PLEKHA7: variants seen among roughly 807,000 people sequenced by gnomAD.
The protein encoded by PLEKHA7 is pleckstrin homology domain-containing family A member 7.
PLEKHA7 carries 104 observed loss-of-function variants against 170.0 expected under a neutral mutation model. The ratio of observed to expected loss-of-function variants is 0.61; its 90% CI spans 0.52 to 0.72. The LOEUF is 0.72. PLEKHA7 is among the 30% of genes least tolerant of loss of function. The pLI, the probability that PLEKHA7 is intolerant of heterozygous loss-of-function variation, is 0.00. For synonymous variants in PLEKHA7, 648 were observed against 660.8 expected (o/e 0.98, Z 0.30); for missense variants, 1,615 against 1,671.7 (o/e 0.97, Z 0.59).
chr11:16,811,690 A>G (rs1849384781), intron 13 of PLEKHA7, among the ~76,000 whole-genome samples: 1 of 152,224 alleles, frequency 6.6e-6, no homozygotes, highest in Non-Finnish European at 1.5e-5. Flanking sequence ...TGAGTTAGAC[A>G]GTCCTGGCCT....
chr11:16,784,065 G>A (rs1849240827), intron 24 of PLEKHA7, among the ~76,000 whole-genome samples: 1 of 152,182 alleles, frequency 6.6e-6, no homozygotes, highest in Admixed American at 6.5e-5. Context: ...CAGGCTGGGG[G>A]AAGGGAAGGG....
At position 16,780,987 on chromosome 11, in the gene PLEKHA7, G is replaced by A. The variant is rs1051615069; in HGVS notation, c.3793+1767C>T. 12 of 986,152 alleles carry A rather than the reference G, an allele frequency of 1.2e-5. No homozygotes were observed. The Admixed American group carries it at 2.5e-4, about 20-fold the overall frequency. 61.1% of individuals were successfully genotyped at this position (986,152 alleles called of 1,614,324 possible). On this transcript the variant is annotated intron_variant, in intron 26 of 26. Coordinates refer to ENST00000531066, the MANE Select transcript of PLEKHA7 (RefSeq NM_001329630.2). ...GTGTAGTGGAGTCCGTTGGTAAAAG[G>A]GGGGTAAGGTGGCACCGTCCTGGAA... is the stretch of plus-strand genomic sequence containing the variant.
In PLEKHA7 at chr11:16,794,542, C is replaced by T. The variant is rs150403598; in HGVS notation, c.2691G>A (p.Gln897=). The change falls in exon 19 of 27, where the codon CAG becomes CAA. Residue 897 remains glutamine (Q), a synonymous_variant. Coordinates refer to ENST00000531066, the MANE Select transcript of PLEKHA7 (RefSeq NM_001329630.2). ...GAAGGGGGGATGTCACTTTCCTCAG[C>T]TGGGGTGGGTGAGGTCGGTACGGCA... ...TYVPYRPHPP[Q]LRKVTSPLQS... 1 of 1,613,844 alleles carries T rather than the reference C, an allele frequency of 6.2e-7. No individual in the cohort carries two copies. The highest frequency in any genetic ancestry group is 8.5e-7 in the Non-Finnish European group (1 of 1,179,954).
chr11:16,819,776 G>A (rs1027990126), intron 10 of PLEKHA7, among the ~76,000 whole-genome samples: 1 of 152,208 alleles, frequency 6.6e-6, no homozygotes, highest in Admixed American at 6.5e-5. Flanking sequence ...GAGTAGAGAG[G>A]TAGTTACCAG....
chr11:16,992,984 G>A (rs1308245996), intron 3 of PLEKHA7, among the ~76,000 whole-genome samples: 3 of 152,068 alleles, frequency 2.0e-5, no homozygotes, highest in Non-Finnish European at 2.9e-5. Flanking sequence ...GATATTTGAC[G>A]TGCTCTGATT....
At chr11:16,843,482 C>T (rs1852130926) in intron 8 of PLEKHA7, among the ~76,000 whole-genome samples, 1 of 152,240 alleles carries the variant, frequency 6.6e-6, no homozygotes, top group Non-Finnish European at 1.5e-5. Flanking sequence ...TATCTGAGTC[C>T]ATCTGGCTCA....
chr11:16,969,730 A>G (rs1390718284), intron 3 of PLEKHA7, among the ~76,000 whole-genome samples: 3 of 152,198 alleles, frequency 2.0e-5, no homozygotes, highest in Non-Finnish European at 4.4e-5. Flanking sequence ...AAGAGTTAGC[A>G]GACTTGAAAG....
At chr11:16,978,825 C>A (rs1863228563) in intron 3 of PLEKHA7, among the ~76,000 whole-genome samples, 1 of 152,196 alleles carries the variant, frequency 6.6e-6, no homozygotes, top group Admixed American at 6.5e-5. Flanking sequence ...TGTGCATATA[C>A]AGAGTTTACC....
chr11:16,805,146 A>G (rs746002484), intron 13 of PLEKHA7, among the ~76,000 whole-genome samples: 47 of 152,250 alleles, frequency 3.1e-4, no homozygotes, highest in Middle Eastern at 6.8e-3. Context: ...TCAAATGGAG[A>G]TACACTCTGG....
intron 9 of PLEKHA7, among the ~76,000 whole-genome samples, chr11:16,834,458 C>G (rs1189205680): frequency 7.9e-5 from 12 of 152,130 alleles, no homozygotes; most frequent in Admixed American, 7.2e-4. Flanking sequence ...CAGGCCCATG[C>G]AGGGTTTCCA....
intron 4 of PLEKHA7, among the ~76,000 whole-genome samples, chr11:16,862,360 C>T (rs1854032174): frequency 6.6e-6 from 1 of 152,144 alleles, no homozygotes; most frequent in Admixed American, 6.5e-5. Flanking sequence ...GTTGTATGAC[C>T]CTGGACCAGT....
intron 9 of PLEKHA7, among the ~76,000 whole-genome samples, chr11:16,829,010 T>G (rs1850888787): frequency 6.6e-6 from 1 of 152,096 alleles, no homozygotes; most frequent in Non-Finnish European, 1.5e-5. Context: ...AATAAATTCC[T>G]TCTTTTTTTT....
chr11:16,843,863 G>T (rs998541003), intron 8 of PLEKHA7, among the ~76,000 whole-genome samples: 7 of 152,190 alleles, frequency 4.6e-5, no homozygotes, highest in African/African-American at 1.7e-4. Context: ...CTTGGACCCA[G>T]GAGGTGGAGG....
chr11:16,778,988 G>C lies in PLEKHA7; in HGVS notation c.*10C>G. On this transcript the variant is annotated 3_prime_UTR_variant, in exon 27 of 27. Coordinates refer to ENST00000531066, the MANE Select transcript of PLEKHA7 (RefSeq NM_001329630.2). ...TGGGCCCCTGGCTCCAGGCTTCTTTGCATGCTGGGTCACGGGTCAGTCACT... is the reference window on the plus strand; with the variant it reads ...TGGGCCCCTGGCTCCAGGCTTCTTTCCATGCTGGGTCACGGGTCAGTCACT... The C allele has an allele frequency of 1.4e-6, 1 of 702,624 alleles. No homozygotes were observed. The highest frequency in any genetic ancestry group is 2.6e-6 in the Non-Finnish European group (1 of 384,998). 43.5% of individuals were successfully genotyped at this position (702,624 alleles called of 1,614,324 possible).
At chr11:16,852,216 G>A in intron 7 of PLEKHA7, 67 bp downstream of exon 7, 1 of 1,425,316 alleles carries the variant, frequency 7.0e-7, no homozygotes, top group Non-Finnish European at 9.9e-7. Flanking sequence ...TAAACCTGAA[G>A]TCACCAACCA....
intron 3 of PLEKHA7, among the ~76,000 whole-genome samples, chr11:16,960,935 G>C (rs1488618998): frequency 6.6e-6 from 1 of 151,986 alleles, no homozygotes; most frequent in African/African-American, 2.4e-5. Context: ...AGCTCATCCT[G>C]AAACTTCCAG....
At chr11:17,013,940 A>ACCCCC (rs545393853) in intron 3 of PLEKHA7, 49 bp downstream of exon 3, 1 of 1,176,202 alleles carries the variant, frequency 8.5e-7, no homozygotes, top group African/African-American at 2.0e-5. Flanking sequence ...ACGGGGAGGG[A>ACCCCC]CCCCCCCCCC....
chr11:16,851,348 T>A, intron 7 of PLEKHA7, 57 bp from the exon 8 acceptor site: 2 of 1,317,518 alleles, frequency 1.5e-6, no homozygotes, highest in Non-Finnish European at 2.1e-6. Flanking sequence ...TGGGCTCATC[T>A]GTCCCACTGC....
intron 7 of PLEKHA7, 94 bp from the exon 8 acceptor site, chr11:16,851,385 C>T (rs1474822251): frequency 6.2e-6 from 5 of 808,980 alleles, no homozygotes; most frequent in Non-Finnish European, 9.7e-6. Flanking sequence ...AAGTTGTTTC[C>T]TCCCCTTGTA....
Sources: allele counts gnomAD v4.1 joint callset (sites outside exome capture counted in the v4.1 genomes callset), GRCh38; gene constraint gnomAD v4.1.1; transcripts MANE v1.5; gene names NCBI Gene and HGNC (gene_info 2026-07-23, HGNC 2026-07-21).